The following CTNNA3 variants were observed in gnomAD, a reference collection of about 807,000 sequenced individuals.
CTNNA3 encodes the protein catenin alpha-3.
CTNNA3 carries 76 observed loss-of-function variants against 95.7 expected under a neutral mutation model. The observed-to-expected ratio is 0.79, with a 90% CI of 0.66 to 0.96. CTNNA3 has a LOEUF of 0.96. Among genes scored for constraint, CTNNA3 ranks in the 40% least tolerant of loss-of-function variants. The pLI, the probability that CTNNA3 is intolerant of heterozygous loss-of-function variation, is 0.00. For missense variants in CTNNA3, 1,191 were observed against 1,089.8 expected (o/e 1.09, Z -1.31); for synonymous variants, 431 against 374.4 (o/e 1.15, Z -1.74).
intron 5 of CTNNA3, among the ~76,000 whole-genome samples, chr10:67,475,028 A>G (rs1481532129): frequency 6.6e-6 from 1 of 152,202 alleles, no homozygotes; most frequent in East Asian, 1.9e-4. Context: ...CAACTCAAAT[A>G]TCCTTCAGCT....
At chr10:66,574,366 G>A (rs913337729) in intron 10 of CTNNA3, among the ~76,000 whole-genome samples, 8 of 151,880 alleles carry the variant, frequency 5.3e-5, no homozygotes, top group Admixed American at 2.6e-4. Flanking sequence ...GGTGAGCAAA[G>A]GTTCTACCAT....
intron 12 of CTNNA3, among the ~76,000 whole-genome samples, chr10:66,282,630 A>G (rs1168565110): frequency 6.6e-6 from 1 of 151,710 alleles, no homozygotes; most frequent in African/African-American, 2.4e-5. Context: ...TACTATTTCC[A>G]TCCACAGCAT....
chr10:66,008,339 T>C (rs2078937845), intron 15 of CTNNA3, among the ~76,000 whole-genome samples: 1 of 152,222 alleles, frequency 6.6e-6, no homozygotes, highest in Non-Finnish European at 1.5e-5. Context: ...ATAACTTCTT[T>C]GCCACTTAAT....
chr10:66,518,962 A>G (rs2132016103), intron 11 of CTNNA3, among the ~76,000 whole-genome samples: 1 of 152,208 alleles, frequency 6.6e-6, no homozygotes, highest in East Asian at 1.9e-4. Flanking sequence ...TTTCATTATG[A>G]GAATGTATAC....
At chr10:67,256,471 A>G (rs1269610115) in intron 5 of CTNNA3, among the ~76,000 whole-genome samples, 1 of 152,146 alleles carries the variant, frequency 6.6e-6, no homozygotes. Flanking sequence ...TAAAAACCAC[A>G]TCGCTTCAGC....
At chr10:67,704,896 T>C (rs1303792973) in intron 1 of CTNNA3, among the ~76,000 whole-genome samples, 11 of 151,752 alleles carry the variant, frequency 7.2e-5, no homozygotes, top group South Asian at 6.3e-4. Context: ...AGGGCTAATA[T>C]CCAGAATCTA....
intron 13 of CTNNA3, among the ~76,000 whole-genome samples, chr10:66,153,639 C>T (rs2084323694): frequency 6.6e-6 from 1 of 151,882 alleles, no homozygotes; most frequent in Admixed American, 6.6e-5. Context: ...GCCTCTCCAC[C>T]TTACTTTCTA....
intron 5 of CTNNA3, among the ~76,000 whole-genome samples, chr10:67,294,549 A>G (rs1839960117): frequency 6.6e-6 from 1 of 152,132 alleles, no homozygotes; most frequent in African/African-American, 2.4e-5. Flanking sequence ...CTACAAAGCT[A>G]TGTATATTGT....
chr10:66,833,304 T>C (rs1346579204), intron 7 of CTNNA3, among the ~76,000 whole-genome samples: 1 of 152,192 alleles, frequency 6.6e-6, no homozygotes, highest in Non-Finnish European at 1.5e-5. Context: ...ACCTACTTCA[T>C]TGACTGTTCA....
At chr10:66,484,895 G>T (rs575798321) in intron 11 of CTNNA3, among the ~76,000 whole-genome samples, 1 of 152,112 alleles carries the variant, frequency 6.6e-6, no homozygotes, top group African/African-American at 2.4e-5. Flanking sequence ...ATAAAGTGGG[G>T]TTTATCCCTG....
chr10:67,332,906 C>A (rs1385069384), intron 5 of CTNNA3, among the ~76,000 whole-genome samples: 1 of 152,174 alleles, frequency 6.6e-6, no homozygotes, highest in Admixed American at 6.5e-5. Context: ...AATGCCCCTG[C>A]ATTCTTTATA....
At chr10:66,162,951 G>T (rs2084927585) in intron 13 of CTNNA3, among the ~76,000 whole-genome samples, 1 of 152,006 alleles carries the variant, frequency 6.6e-6, no homozygotes, top group Non-Finnish European at 1.5e-5. Context: ...GAGGATTACG[G>T]CTGCCTCTGT....
chr10:67,226,886 C>T (rs564733797), intron 5 of CTNNA3, among the ~76,000 whole-genome samples: 2 of 152,270 alleles, frequency 1.3e-5, no homozygotes, highest in South Asian at 4.1e-4. Context: ...TGGTACCTCA[C>T]ATCTCAATAC....
rs1473001019 is a variant in CTNNA3 at position 67,609,110 on chromosome 10, AC to A, written c.100-2062del. ...TATCTCAAAAAAAAAAAAAAAAAAA[AC>A]AACCCATTTCTTAATTAAATCTTGG... On this transcript the variant is annotated intron_variant, in intron 2 of 17. Transcript: ENST00000433211. Among the ~76,000 whole-genome samples the A allele has an allele frequency of 1.6e-3, 242 of 151,200 alleles. 1 individual carries two copies. The highest frequency in any genetic ancestry group is 3.1e-3 in the Non-Finnish European group (212 of 67,700).
intron 7 of CTNNA3, among the ~76,000 whole-genome samples, chr10:66,912,788 A>T (rs1258130402): frequency 6.6e-6 from 1 of 152,196 alleles, no homozygotes; most frequent in Non-Finnish European, 1.5e-5. Context: ...ATGATTCAAA[A>T]TTCATAAATA....
chr10:66,430,917 C>T (rs2093289241), intron 11 of CTNNA3, among the ~76,000 whole-genome samples: 1 of 152,122 alleles, frequency 6.6e-6, no homozygotes, highest in Non-Finnish European at 1.5e-5. Context: ...TCTAATTAAA[C>T]TAAAGAGCTT....
At chr10:66,813,358 C>T (rs1463611183) in intron 7 of CTNNA3, among the ~76,000 whole-genome samples, 9 of 152,102 alleles carry the variant, frequency 5.9e-5, no homozygotes, top group African/African-American at 1.7e-4. Flanking sequence ...TTCAGTGTCT[C>T]ATTTGGTGAA....
At chr10:67,176,548 A>G (rs548594400) in intron 7 of CTNNA3, among the ~76,000 whole-genome samples, 2 of 152,302 alleles carry the variant, frequency 1.3e-5, no homozygotes, top group South Asian at 4.1e-4. Context: ...AGACTAGGGA[A>G]GACTAGTATT....
intron 12 of CTNNA3, among the ~76,000 whole-genome samples, chr10:66,283,245 T>C (rs2091525923): frequency 6.6e-6 from 1 of 151,910 alleles, no homozygotes; most frequent in Non-Finnish European, 1.5e-5. Flanking sequence ...AAAGACATAG[T>C]TAAGTAAAAA....
Sources: allele counts gnomAD v4.1 joint callset (sites outside exome capture counted in the v4.1 genomes callset), GRCh38; gene constraint gnomAD v4.1.1; transcripts MANE v1.5; gene names NCBI Gene and HGNC (gene_info 2026-07-23, HGNC 2026-07-21).